Variants in DDX6 observed in about 807,000 individuals in gnomAD.
DDX6 encodes DEAD-box helicase 6, also known as probable ATP-dependent RNA helicase DDX6.
Under a neutral mutation model 60.6 loss-of-function variants are expected in DDX6, and 7 were observed. The ratio of observed to expected loss-of-function variants is 0.12; its 90% CI spans 0.07 to 0.22. The LOEUF (loss-of-function observed/expected upper bound fraction) is 0.22. Ranked by LOEUF, DDX6 falls within the 10% of genes least tolerant of loss-of-function variation. The probability of loss-of-function intolerance (pLI) is 1.00; values close to 1 mark genes in which losing one functional copy is unlikely to be tolerated. For missense variants in DDX6, 270 were observed against 589.9 expected (o/e 0.46, Z 5.62); for synonymous variants, 207 against 201.0 (o/e 1.03, Z -0.25).
At chr11:118,758,731 G>A in intron 9 of DDX6, 43 bp downstream of exon 9, 6 of 1,605,284 alleles carry the variant, frequency 3.7e-6, no homozygotes, top group Non-Finnish European at 5.1e-6. Flanking sequence ...TGTTTTACTG[G>A]GACTCGAGAG....
chr11:118,758,417 G>C (rs1233810431), intron 9 of DDX6, among the ~76,000 whole-genome samples: 3 of 151,568 alleles, frequency 2.0e-5, no homozygotes, highest in Non-Finnish European at 4.4e-5. Flanking sequence ...CTGTCGCCCA[G>C]AGCTGGAGTG....
At chr11:118,776,643 G>A (rs192453045) in intron 4 of DDX6, among the ~76,000 whole-genome samples, 1 of 152,048 alleles carries the variant, frequency 6.6e-6, no homozygotes, top group Non-Finnish European at 1.5e-5. Flanking sequence ...GACCATCCTG[G>A]CTAACATGGT....
At chr11:118,763,385 C>A in intron 6 of DDX6, 79 bp from the exon 7 acceptor site, 1 of 1,060,266 alleles carries the variant, frequency 9.4e-7, no homozygotes, top group East Asian at 2.4e-5. Context: ...ATATTACAGT[C>A]CTGAGCTGCT....
chr11:118,775,843 G>C (rs1222046899), intron 4 of DDX6, among the ~76,000 whole-genome samples: 1 of 152,154 alleles, frequency 6.6e-6, no homozygotes, highest in Non-Finnish European at 1.5e-5. Flanking sequence ...CTAAGAATGA[G>C]GACTGGGCTA....
chr11:118,755,368 C>T (rs192645476), intron 12 of DDX6, 34 bp downstream of exon 12: 19 of 1,383,670 alleles, frequency 1.4e-5, no homozygotes, highest in Middle Eastern at 4.2e-4. Context: ...CAAAAAAGAA[C>T]TTCTACCAAG....
chr11:118,779,606 A>C, intron 4 of DDX6, 26 bp downstream of exon 4: 1 of 1,442,476 alleles, frequency 6.9e-7, no homozygotes, highest in South Asian at 1.2e-5. Context: ...ATAACCTTAC[A>C]TATGTGATAA....
intron 1 of DDX6, chr11:118,788,228 A>T (rs1862143766): frequency 6.6e-6 from 1 of 151,972 alleles, no homozygotes; most frequent in African/African-American, 2.4e-5. Context: ...ACTTGAACCC[A>T]GGAGGTGGAG....
At chr11:118,782,410 TA>T (rs782394238) in intron 2 of DDX6, among the ~76,000 whole-genome samples, 1,487 of 139,292 alleles carry the variant, frequency 0.011, 13 homozygotes, top group African/African-American at 0.029. Context: ...AAAGCATCTT[TA>T]AAAAAAAAAA....
chr11:118,756,225 A>G (rs1860972549), intron 11 of DDX6, 35 bp downstream of exon 11: 1 of 1,596,766 alleles, frequency 6.3e-7, no homozygotes, highest in Admixed American at 1.7e-5. Context: ...ACTTGGGAGA[A>G]AAACACTGGG....
chr11:118,770,024 A>AT (rs1472752773), intron 4 of DDX6, among the ~76,000 whole-genome samples: 1 of 146,942 alleles, frequency 6.8e-6, no homozygotes, highest in African/African-American at 2.5e-5. Context: ...TGGAATTTTA[A>AT]TTTTTTTTCT....
intron 8 of DDX6, 200 bp from the exon 9 acceptor site, chr11:118,759,102 C>T (rs1861078254): frequency 6.7e-6 from 4 of 595,734 alleles, no homozygotes; most frequent in Non-Finnish European, 8.1e-6. Context: ...CTCTGTCACC[C>T]AGGCTGGAGT....
intron 13 of DDX6, among the ~76,000 whole-genome samples, chr11:118,753,565 C>T (rs887644582): frequency 7.5e-5 from 11 of 146,986 alleles, no homozygotes; most frequent in Non-Finnish European, 1.0e-4. Flanking sequence ...GTCTCGATCT[C>T]TTGACCTCGT....
intron 6 of DDX6, among the ~76,000 whole-genome samples, chr11:118,763,556 G>A (rs976699313): frequency 2.6e-5 from 4 of 152,012 alleles, no homozygotes; most frequent in South Asian, 4.1e-4. Flanking sequence ...CAACTAGGCC[G>A]GGTGCAGTAG....
At chr11:118,770,345 A>C (rs1340237005) in intron 4 of DDX6, among the ~76,000 whole-genome samples, 1 of 152,114 alleles carries the variant, frequency 6.6e-6, no homozygotes, top group Non-Finnish European at 1.5e-5. Context: ...TTAATTTCTA[A>C]AACTAAGATA....
At chr11:118,755,608 G>A in intron 11 of DDX6, 105 bp from the exon 12 acceptor site, 1 of 654,618 alleles carries the variant, frequency 1.5e-6, no homozygotes, top group Non-Finnish European at 2.6e-6. Flanking sequence ...ATTTAATTCA[G>A]TTATTCAAAT....
At chr11:118,757,109 TAAAAC>T (rs1175279168) in intron 10 of DDX6, 57 bp downstream of exon 10, 4 of 913,336 alleles carry the variant, frequency 4.4e-6, no homozygotes, top group African/African-American at 3.5e-5. Flanking sequence ...AAAAGAACAT[TAAAAC>T]AAAATAAAGA....
intron 2 of DDX6, 139 bp downstream of exon 2, chr11:118,785,911 CTG>C (rs1401367498): frequency 3.8e-5 from 26 of 692,086 alleles, no homozygotes; most frequent in Middle Eastern, 6.7e-4. Flanking sequence ...CAAATACCTA[CTG>C]GCCATAAAAC....
chr11:118,758,256 C>G (rs1555159405), intron 9 of DDX6, among the ~76,000 whole-genome samples: 2 of 152,160 alleles, frequency 1.3e-5, no homozygotes, highest in Admixed American at 6.5e-5. Flanking sequence ...TAGTTAAGGT[C>G]AAAGTATTTC....
At chr11:118,772,100 A>G (rs782243726) in intron 4 of DDX6, among the ~76,000 whole-genome samples, 21 of 152,202 alleles carry the variant, frequency 1.4e-4, no homozygotes, top group Non-Finnish European at 2.5e-4. Flanking sequence ...TATTTTAAAA[A>G]GGGAACAGGG....
Sources: gnomAD v4.1 joint callset for allele counts (sites outside exome capture counted in the v4.1 genomes callset) on GRCh38, gnomAD v4.1.1 for gene constraint, MANE v1.5 for transcripts, NCBI Gene and HGNC (gene_info 2026-07-23, HGNC 2026-07-21) for gene names.